LMX1B: variants seen among roughly 807,000 people sequenced by gnomAD.
LMX1B encodes LIM homeobox transcription factor 1-beta.
Under a neutral mutation model 51.4 loss-of-function variants are expected in LMX1B, and 12 were observed. That is an observed-to-expected ratio of 0.23 (90% CI 0.15 to 0.38). The LOEUF (loss-of-function observed/expected upper bound fraction) is 0.38, where lower values mean the gene tolerates loss of function less well. Ranked by LOEUF, LMX1B falls within the 10% of genes least tolerant of loss-of-function variation. LMX1B has a pLI of 1.00. For synonymous variants in LMX1B, 237 were observed against 235.4 expected, an observed-to-expected ratio of 1.01 and a Z score of -0.06; for missense variants, 445 against 571.1, an observed-to-expected ratio of 0.78 and a Z score of 2.25.
intron 2 of LMX1B, among the ~76,000 whole-genome samples, chr9:126,662,146 G>A (rs139926425): frequency 7.9e-5 from 12 of 152,282 alleles, no homozygotes; most frequent in East Asian, 5.8e-4. Context: ...CTGTTTGCCC[G>A]CTGTGTGTCC....
rs1410332314 is a variant in LMX1B, at chr9:126,671,436, C to T, written c.327-19400C>T. ...GGCCTGGCCAGCCAGGGCCGAGGGGCCCATCTTTGTTCCGAGCAGAGCTCA... is the reference window on the plus strand; with the variant it reads ...GGCCTGGCCAGCCAGGGCCGAGGGGTCCATCTTTGTTCCGAGCAGAGCTCA... On this transcript the variant is annotated intron_variant, in intron 2 of 7. Coordinates refer to ENST00000373474, the MANE Select transcript of LMX1B (RefSeq NM_001174147.2). The surrounding 1 kb of genome is among the most constrained non-coding windows in gnomAD (Gnocchi z 4.4). 3.3e-5 allele frequency among the ~76,000 whole-genome samples: 5 copies of T among 151,850 alleles called. No individual in the cohort carries two copies. Among genetic ancestry groups the T allele is most frequent in the South Asian group, 2.1e-4 (1 of 4,812 alleles).
intron 2 of LMX1B, among the ~76,000 whole-genome samples, chr9:126,631,911 CCA>C (rs1208632162): frequency 1.3e-5 from 2 of 152,200 alleles, no homozygotes; most frequent in East Asian, 1.9e-4. Flanking sequence ...ACTGATGCTC[CCA>C]CAGTCCTTTG....
intron 2 of LMX1B, among the ~76,000 whole-genome samples, chr9:126,655,730 TCATAACATAAAATTTCA>T (rs1359374720): frequency 6.6e-6 from 1 of 152,230 alleles, no homozygotes; most frequent in Non-Finnish European, 1.5e-5. Flanking sequence ...GGTATTGTTT[TCATAACATAAAATTTCA>T]CATAACATAA....
intron 2 of LMX1B, among the ~76,000 whole-genome samples, chr9:126,662,065 G>C (rs1209871621): frequency 6.6e-6 from 1 of 152,328 alleles, no homozygotes; most frequent in East Asian, 1.9e-4. Flanking sequence ...CCTCCCCCAC[G>C]CAGCGCCCTG....
intron 2 of LMX1B, among the ~76,000 whole-genome samples, chr9:126,647,683 G>T (rs150515150): frequency 9.2e-5 from 14 of 152,328 alleles, no homozygotes; most frequent in Non-Finnish European, 1.2e-4. Flanking sequence ...ACGCAGGGAG[G>T]ACCCTTGGAA....
chr9:126,685,445 A>G (rs904083056), intron 2 of LMX1B, among the ~76,000 whole-genome samples: 2 of 152,200 alleles, frequency 1.3e-5, no homozygotes, highest in Non-Finnish European at 2.9e-5. Context: ...TGAGGAGGCA[A>G]GACCAAACTT....
rs1405918666 is a variant in LMX1B at position 126,614,049 on chromosome 9, C to CCCCA, written c.-398_-397insACCC. Among the ~76,000 whole-genome samples, 7 of 137,550 alleles carry CCCCA rather than the reference C, an allele frequency of 5.1e-5. No individual in the cohort carries two copies. Among genetic ancestry groups the CCCCA allele is most frequent in the African/African-American group, 1.8e-4 (7 of 38,740 alleles). 90.2% of individuals were successfully genotyped at this position (137,550 alleles called of 152,430 possible). A position where few individuals can be genotyped will look rare whatever the true frequency, so the allele number is the denominator to read the frequency against. On this transcript the variant is annotated 5_prime_UTR_variant, in exon 1 of 8. Transcript: ENST00000373474. ...CCGGGACCCCGCTGCGCCGCGCGCC[C>CCCCA]CCCCCGCGGCCCGCGGGGCCGCCCC...
At chr9:126,661,597 C>T (rs1340653274) in intron 2 of LMX1B, among the ~76,000 whole-genome samples, 1 of 152,170 alleles carries the variant, frequency 6.6e-6, no homozygotes, top group African/African-American at 2.4e-5. Flanking sequence ...TCCCTCCTGC[C>T]CCAACTGCCC....
At chr9:126,642,903 C>A (rs922348210) in intron 2 of LMX1B, among the ~76,000 whole-genome samples, 2 of 152,176 alleles carry the variant, frequency 1.3e-5, no homozygotes, top group Admixed American at 6.5e-5. Flanking sequence ...CCCGGGAAAT[C>A]GGGAATTGGC....
chr9:126,632,514 G>A (rs1406447592), intron 2 of LMX1B, among the ~76,000 whole-genome samples: 1 of 152,242 alleles, frequency 6.6e-6, no homozygotes, highest in East Asian at 1.9e-4. Context: ...TGGGCAGGAG[G>A]GAGCTATTGA....
intron 2 of LMX1B, among the ~76,000 whole-genome samples, chr9:126,647,489 C>CA (rs1835924344): frequency 6.6e-6 from 1 of 152,204 alleles, no homozygotes; most frequent in East Asian, 1.9e-4. Flanking sequence ...CCTCACTGTG[C>CA]ACCGGCATAG....
intron 2 of LMX1B, among the ~76,000 whole-genome samples, chr9:126,616,630 G>T (rs927584482): frequency 6.6e-6 from 1 of 152,218 alleles, no homozygotes; most frequent in Admixed American, 6.5e-5. Flanking sequence ...TGCTTAGGTG[G>T]TTTGGTGCTC....
At chr9:126,691,649 A>G (rs539209458) in intron 3 of LMX1B, among the ~76,000 whole-genome samples, 77 of 151,154 alleles carry the variant, frequency 5.1e-4, no homozygotes, top group African/African-American at 1.8e-3. Flanking sequence ...CCCCCCACCA[A>G]CCCGCAGCCC....
intron 6 of LMX1B, among the ~76,000 whole-genome samples, chr9:126,694,907 T>C (rs1197518728): frequency 6.6e-6 from 1 of 152,052 alleles, no homozygotes; most frequent in Admixed American, 6.6e-5. Flanking sequence ...TCCCAACCCA[T>C]GCCGTATGCT....
At chr9:126,668,332 G>C (rs570188343) in intron 2 of LMX1B, among the ~76,000 whole-genome samples, 4 of 152,198 alleles carry the variant, frequency 2.6e-5, no homozygotes, top group Admixed American at 2.6e-4. Flanking sequence ...CGCTGCAGAG[G>C]CAGATCATAA....
intron 2 of LMX1B, among the ~76,000 whole-genome samples, chr9:126,649,232 T>C (rs1398954116): frequency 2.0e-5 from 3 of 151,914 alleles, no homozygotes. Flanking sequence ...CTTCCTGGCC[T>C]CCCTGCCTGC....
chr9:126,635,789 C>T (rs1364163794), intron 2 of LMX1B, among the ~76,000 whole-genome samples: 1 of 152,172 alleles, frequency 6.6e-6, no homozygotes, highest in Non-Finnish European at 1.5e-5. Context: ...TAGGGCCTGA[C>T]TAAGTAGCAC....
Position 126,695,739 on chromosome 9 carries a change from G to A in LMX1B, c.887-100G>A. On this transcript the variant is annotated intron_variant, in intron 6 of 7. Coordinates refer to ENST00000373474, the MANE Select transcript of LMX1B (RefSeq NM_001174147.2). The surrounding 1 kb of genome is among the most constrained non-coding windows in gnomAD (Gnocchi z 5.2). ...TCTGGACAGCTTCAGCCAGAGTGGG[G>A]TGCCTGGGGAGTCCCAAGGAGATCA... is the stretch of plus-strand genomic sequence containing the variant. 2 of 1,358,094 alleles carry A rather than the reference G, an allele frequency of 1.5e-6. No individual in the cohort carries two copies. Among genetic ancestry groups the A allele is most frequent in the Non-Finnish European group, 2.1e-6 (2 of 967,860 alleles). The allele number at this position is 1,358,094 out of a possible 1,614,324, so 84.1% of individuals were successfully genotyped here. A position where few individuals can be genotyped will look rare whatever the true frequency, so the allele number is the denominator to read the frequency against.
At chr9:126,628,322 A>G (rs1235884518) in intron 2 of LMX1B, among the ~76,000 whole-genome samples, 1 of 152,246 alleles carries the variant, frequency 6.6e-6, no homozygotes, top group African/African-American at 2.4e-5. Context: ...CAGAAGACAC[A>G]TCTGTCCTCC....
Sources: gnomAD v4.1 joint callset for allele counts (sites outside exome capture counted in the v4.1 genomes callset) on GRCh38, gnomAD v4.1.1 for gene constraint, Gnocchi (gnomAD v3.1) non-coding constraint, MANE v1.5 for transcripts, NCBI Gene and HGNC (gene_info 2026-07-23, HGNC 2026-07-21) for gene names.